The following HUWE1 variants were observed in gnomAD, a reference collection of about 807,000 sequenced individuals.
HUWE1 encodes the protein E3 ubiquitin-protein ligase HUWE1.
HUWE1 carries 18 observed loss-of-function variants against 299.4 expected under a neutral mutation model. The observed-to-expected ratio is 0.06, with a 90% CI of 0.04 to 0.09. The LOEUF (loss-of-function observed/expected upper bound fraction) is 0.09. Ranked by LOEUF, HUWE1 falls within the 10% of genes least tolerant of loss-of-function variation. The probability of loss-of-function intolerance (pLI) is 1.00; values close to 1 mark genes in which losing one functional copy is unlikely to be tolerated. For synonymous variants in HUWE1, 1,317 were observed against 1,286.1 expected, an observed-to-expected ratio of 1.02 and a Z score of -0.51; for missense variants, 1,832 against 3,462.3, an observed-to-expected ratio of 0.53 and a Z score of 11.82.
intron 23 of HUWE1, among the ~76,000 whole-genome samples, chrX:53,613,831 T>C (rs781963741): frequency 9.8e-5 from 11 of 111,864 alleles, no homozygotes; most frequent in Admixed American, 6.6e-4. Flanking sequence ...AAAAGTACAT[T>C]GTTTTTCACA....
chrX:53,638,748 T>C (rs2067379572), intron 7 of HUWE1, among the ~76,000 whole-genome samples: 1 of 111,914 alleles, frequency 8.9e-6, no homozygotes, highest in Non-Finnish European at 1.9e-5. Context: ...AAGACTAATA[T>C]ATTTTTTAAT....
intron 37 of HUWE1, 23 bp from the exon 38 acceptor site, chrX:53,586,932 C>A: frequency 8.3e-7 from 1 of 1,207,546 alleles, no homozygotes; most frequent in Non-Finnish European, 1.1e-6. Flanking sequence ...AGGGAAAAAA[C>A]AACAACAACC....
chrX:53,623,978 G>T (rs2066314330), intron 19 of HUWE1, among the ~76,000 whole-genome samples: 1 of 112,385 alleles, frequency 8.9e-6, no homozygotes, highest in South Asian at 3.7e-4. Context: ...CAAAATGTAT[G>T]ATAATGTTAC....
chrX:53,563,751 A>C lies in HUWE1; in HGVS notation c.7100T>G (p.Ile2367Ser). 1 of 1,210,767 alleles carries C rather than the reference A, an allele frequency of 8.3e-7. No individual in the cohort carries two copies. Among genetic ancestry groups the C allele is most frequent in the Non-Finnish European group, 1.1e-6 (1 of 895,127 alleles). The stretch of plus-strand genomic sequence containing the variant: ...CTCAGTTCTGGGGCTCTCACCTATA[A>C]TTGTACTGTTCCCAGATCCGCCATC... ...ERDGGSGNST[I>S]IVSRSGEDES... The change falls in exon 52 of 84, where the codon ATT (isoleucine) becomes AGT (serine). Residue 2367 changes from isoleucine (I) to serine (S), a missense_variant. Coordinates refer to ENST00000262854, the MANE Select transcript of HUWE1 (RefSeq NM_031407.7).
At chrX:53,596,019 C>G (rs1556984557) in intron 29 of HUWE1, among the ~76,000 whole-genome samples, 1 of 112,451 alleles carries the variant, frequency 8.9e-6, no homozygotes, top group Admixed American at 9.4e-5. Flanking sequence ...TGAGTGCTTT[C>G]CAGCTTCTCT....
chrX:53,569,103 C>T (rs1379348770), intron 48 of HUWE1, among the ~76,000 whole-genome samples: 1 of 111,879 alleles, frequency 8.9e-6, no homozygotes, highest in Non-Finnish European at 1.9e-5. Context: ...GCAATCTTGG[C>T]TCACTGCAAC....
chrX:53,625,340 G>A, intron 17 of HUWE1, 82 bp from the exon 18 acceptor site: 1 of 616,247 alleles, frequency 1.6e-6, no homozygotes, highest in Non-Finnish European at 2.8e-6. Context: ...AAAATTTTAA[G>A]AGATCCAAAT....
At chrX:53,632,148 T>G (rs1450402148) in intron 9 of HUWE1, 1 of 328,764 alleles carries the variant, frequency 3.0e-6, no homozygotes, top group Non-Finnish European at 5.5e-6. Context: ...TAAAGACTTT[T>G]GCAGGCTTCC....
At chrX:53,612,746 A>T (rs1444422150) in intron 23 of HUWE1, among the ~76,000 whole-genome samples, 1 of 112,181 alleles carries the variant, frequency 8.9e-6, no homozygotes, top group African/African-American at 3.2e-5. Context: ...AGACATTTGA[A>T]CTAGCCTTAC....
Position 53,544,669 on chromosome X carries a change from T to C in HUWE1, c.11142A>G (p.Thr3714=). ...ELQLPSMSML[T]SKTSTQKFFL... Reference sequence around the variant, plus strand: ...AGAACTTCTGGGTAGATGTCTTGGATGTCAACATGGACATAGAAGGCAGCT... The same window carrying C: ...AGAACTTCTGGGTAGATGTCTTGGACGTCAACATGGACATAGAAGGCAGCT... Residue 3714 remains threonine (T), a synonymous_variant, in exon 72 of 84, where the codon ACA becomes ACG. Transcript: ENST00000262854. 8.3e-7 allele frequency: 1 copy of C among 1,208,809 alleles called. No individual in the cohort carries two copies. Among genetic ancestry groups the C allele is most frequent in the Non-Finnish European group, 1.1e-6 (1 of 893,674 alleles).
chrX:53,654,826 C>T (rs1401978729), intron 3 of HUWE1, among the ~76,000 whole-genome samples: 1 of 112,092 alleles, frequency 8.9e-6, no homozygotes, highest in Non-Finnish European at 1.9e-5. Flanking sequence ...TCATTGTTAA[C>T]CAAAAGGATT....
At chrX:53,556,241 G>T in intron 60 of HUWE1, 1 of 345,558 alleles carries the variant, frequency 2.9e-6, no homozygotes, top group Admixed American at 3.1e-5. Flanking sequence ...CCACACACCA[G>T]GGAAAGTAGT....
At position 53,627,890 on chromosome X, in the gene HUWE1, G is replaced by A; in HGVS notation, c.1243-11C>T. ...AAGAAACTTTATGACCTATCACGGA[G>A]AAAAAGAGGCAAAAACAATGAACTA... is the stretch of plus-strand genomic sequence containing the variant. On this transcript the variant is annotated splice_polypyrimidine_tract_variant and intron_variant, in intron 15 of 83. Coordinates refer to ENST00000262854, the MANE Select transcript of HUWE1 (RefSeq NM_031407.7). 2.5e-6 allele frequency: 3 copies of A among 1,204,370 alleles called. No homozygotes were observed. Among genetic ancestry groups the A allele is most frequent in the Admixed American group, 4.4e-5 (2 of 45,946 alleles).
At position 53,568,688 on chromosome X, in the gene HUWE1, T is replaced by C. The variant is rs782154141; in HGVS notation, c.6707+4A>G. 1 of 1,208,236 alleles carries C rather than the reference T, an allele frequency of 8.3e-7. No homozygotes were observed. The highest frequency in any genetic ancestry group is 2.2e-5 in the Admixed American group (1 of 45,935). The stretch of plus-strand genomic sequence containing the variant: ...AAAAGCCTGGGGCTGGGGCATGATT[T>C]TACCTGGACAGGTCTAAGCTGTGAG... On this transcript the variant is annotated splice_donor_region_variant and intron_variant, in intron 49 of 83. Coordinates refer to ENST00000262854, the MANE Select transcript of HUWE1 (RefSeq NM_031407.7).
intron 7 of HUWE1, among the ~76,000 whole-genome samples, chrX:53,636,357 A>C (rs1434668166): frequency 9.1e-6 from 1 of 110,162 alleles, no homozygotes; most frequent in African/African-American, 3.2e-5. Flanking sequence ...GAAGTTTAAA[A>C]CAACTAGGGA....
intron 19 of HUWE1, among the ~76,000 whole-genome samples, chrX:53,621,334 T>C (rs1480308763): frequency 9.0e-6 from 1 of 110,533 alleles, no homozygotes; most frequent in East Asian, 2.8e-4. Flanking sequence ...CTTCTTGGGC[T>C]CCTTTTTGCC....
At chrX:53,671,414 G>A (rs950989001) in intron 3 of HUWE1, among the ~76,000 whole-genome samples, 10 of 112,016 alleles carry the variant, frequency 8.9e-5, no homozygotes, top group South Asian at 3.7e-4. Context: ...TTAAAATCAT[G>A]AGAAACTGGG....
chrX:53,571,381 G>A (rs782467661), intron 47 of HUWE1, among the ~76,000 whole-genome samples: 2 of 112,232 alleles, frequency 1.8e-5, no homozygotes, highest in Non-Finnish European at 3.8e-5. Context: ...GGAGGCTGAG[G>A]CGGGAGGATC....
Position 53,602,649 on chromosome X carries a change from A to T in HUWE1, c.2886T>A (p.Ser962=). Residue 962 remains serine, a synonymous_variant, in exon 28 of 84, where the codon TCT becomes TCA. Transcript: ENST00000262854. The part of the protein sequence containing the change: ...LSLCTPNSLP[S]GCEFGQADMQ... ...TATCTGCCTGGCCAAATTCACACCCAGATGGTAGGCTGCAAAAAGAGAAAT... is the reference window on the plus strand; with the variant it reads ...TATCTGCCTGGCCAAATTCACACCCTGATGGTAGGCTGCAAAAAGAGAAAT... The T allele has an allele frequency of 8.8e-7, 1 of 1,142,104 alleles. No homozygotes were observed. Among genetic ancestry groups the T allele is most frequent in the Non-Finnish European group, 1.2e-6 (1 of 833,671 alleles). The allele number at this position is 1,142,104 out of a possible 1,213,427, so 94.1% of individuals were successfully genotyped here.
Sources: gnomAD v4.1 joint callset for allele counts (sites outside exome capture counted in the v4.1 genomes callset) on GRCh38, gnomAD v4.1.1 for gene constraint, MANE v1.5 for transcripts, NCBI Gene and HGNC (gene_info 2026-07-23, HGNC 2026-07-21) for gene names.